The following FAM117B variants were observed in gnomAD, a reference collection of about 807,000 sequenced individuals.
FAM117B encodes the protein family with sequence similarity 117 member B.
FAM117B carries 22 observed loss-of-function variants against 52.8 expected under a neutral mutation model. The ratio of observed to expected loss-of-function variants is 0.42; its 90% CI spans 0.30 to 0.59. The LOEUF is 0.59. FAM117B is among the 20% of genes least tolerant of loss of function. FAM117B has a pLI of 0.22. For synonymous variants in FAM117B, 309 were observed against 324.1 expected (o/e 0.95, Z 0.50); for missense variants, 678 against 802.6 (o/e 0.84, Z 1.88).
At chr2:202,738,553 A>T (rs958730110) in intron 4 of FAM117B, among the ~76,000 whole-genome samples, 1 of 152,206 alleles carries the variant, frequency 6.6e-6, no homozygotes, top group South Asian at 2.1e-4. Context: ...TTATCAAAGG[A>T]TAGGAAACTA....
chr2:202,765,025 C>T (rs898635963), intron 7 of FAM117B, among the ~76,000 whole-genome samples: 4 of 152,064 alleles, frequency 2.6e-5, no homozygotes, highest in South Asian at 2.1e-4. Context: ...TACTATAGAC[C>T]TCGGAAAAAT....
At chr2:202,696,712 C>T (rs1190531564) in intron 2 of FAM117B, among the ~76,000 whole-genome samples, 1 of 152,122 alleles carries the variant, frequency 6.6e-6, no homozygotes, top group Non-Finnish European at 1.5e-5. Flanking sequence ...CAAAGGGACT[C>T]TGGAAGCAAA....
At chr2:202,653,194 G>T (rs774361295) in intron 1 of FAM117B, among the ~76,000 whole-genome samples, 3 of 152,320 alleles carry the variant, frequency 2.0e-5, no homozygotes, top group Admixed American at 2.0e-4. Context: ...CTTGAGCCCA[G>T]AAGGTGGAGG....
At chr2:202,754,471 C>G (rs1176276043) in intron 4 of FAM117B, among the ~76,000 whole-genome samples, 1 of 151,996 alleles carries the variant, frequency 6.6e-6, no homozygotes, top group Non-Finnish European at 1.5e-5. Flanking sequence ...GCATGTTCTG[C>G]ACATGTATCT....
rs552305824 is a variant in FAM117B at position 202,754,526 on chromosome 2, GA to G, written c.961-1010del. ...CAAAAACAATAATAAACCCCCCCCA[GA>G]ATATAAATAATTATATAGATTAATC... On this transcript the variant is annotated intron_variant, in intron 4 of 7. Transcript: ENST00000392238. Among the ~76,000 whole-genome samples the G allele has an allele frequency of 3.4e-3, 519 of 151,978 alleles. 1 individual carries two copies. The highest frequency in any genetic ancestry group is 5.5e-3 in the Non-Finnish European group (372 of 67,934).
intron 1 of FAM117B, among the ~76,000 whole-genome samples, chr2:202,667,482 T>G: frequency 6.6e-6 from 1 of 151,970 alleles, no homozygotes; most frequent in Admixed American, 6.6e-5. Flanking sequence ...GTGTCTGTGT[T>G]TGTGTGTGCG....
chr2:202,666,790 C>T (rs554042433), intron 1 of FAM117B, among the ~76,000 whole-genome samples: 3 of 148,942 alleles, frequency 2.0e-5, no homozygotes, highest in Admixed American at 6.7e-5. Flanking sequence ...TGCCTCAGCC[C>T]GCTGAGTAGC....
intron 4 of FAM117B, among the ~76,000 whole-genome samples, chr2:202,754,503 AAAAC>A (rs1447647521): frequency 1.3e-5 from 2 of 152,100 alleles, no homozygotes; most frequent in Non-Finnish European, 2.9e-5. Context: ...AGAAGAAACA[AAAAC>A]AATAATAAAC....
intron 1 of FAM117B, among the ~76,000 whole-genome samples, chr2:202,658,436 G>C (rs1442806392): frequency 6.6e-6 from 1 of 152,002 alleles, no homozygotes; most frequent in East Asian, 1.9e-4. Context: ...CCCAAGTCCT[G>C]GGACTACAGG....
At chr2:202,709,119 TA>T (rs1181861594) in intron 2 of FAM117B, among the ~76,000 whole-genome samples, 1 of 152,174 alleles carries the variant, frequency 6.6e-6, no homozygotes, top group African/African-American at 2.4e-5. Context: ...TTTTCTTACA[TA>T]CCTCTTGGTC....
intron 1 of FAM117B, among the ~76,000 whole-genome samples, chr2:202,640,133 T>C (rs1012316660): frequency 6.6e-6 from 1 of 150,594 alleles, no homozygotes; most frequent in Non-Finnish European, 1.5e-5. Flanking sequence ...TAGACAGGTG[T>C]GGTGGCAGGC....
At chr2:202,639,785 G>A (rs1308321050) in intron 1 of FAM117B, among the ~76,000 whole-genome samples, 2 of 152,150 alleles carry the variant, frequency 1.3e-5, no homozygotes, top group Non-Finnish European at 1.5e-5. Flanking sequence ...AAAGTTAGCT[G>A]TTGTGTATCA....
At chr2:202,736,207 A>T (rs1377198542) in intron 4 of FAM117B, among the ~76,000 whole-genome samples, 1 of 152,216 alleles carries the variant, frequency 6.6e-6, no homozygotes, top group Non-Finnish European at 1.5e-5. Flanking sequence ...ATGTTATTTA[A>T]TTTTTAAAAG....
In FAM117B at chr2:202,769,139, G is replaced by T. The variant is rs934321758; in HGVS notation, c.*3375G>T. Reference sequence around the variant, plus strand: ...ACAGTCCAAATCAGTCTTTTAGAAGGTGCTCTTGCTAACTGTGGAATATTT... The same window carrying T: ...ACAGTCCAAATCAGTCTTTTAGAAGTTGCTCTTGCTAACTGTGGAATATTT... On this transcript the variant is annotated 3_prime_UTR_variant, in exon 8 of 8. Transcript: ENST00000392238. The T allele has an allele frequency of 1.3e-5, 2 of 152,046 alleles. No homozygotes were observed. The highest frequency in any genetic ancestry group is 4.8e-5 in the African/African-American group (2 of 41,386). 9.4% of individuals were successfully genotyped at this position (152,046 alleles called of 1,614,324 possible). A position where few individuals can be genotyped will look rare whatever the true frequency, so the allele number is the denominator to read the frequency against.
chr2:202,680,126 G>A (rs1690440547), intron 1 of FAM117B, among the ~76,000 whole-genome samples: 1 of 152,080 alleles, frequency 6.6e-6, no homozygotes, highest in Admixed American at 6.5e-5. Flanking sequence ...CAGTGAAGTT[G>A]AAAACGGCAG....
chr2:202,763,624 G>A (rs1194291103), intron 7 of FAM117B, among the ~76,000 whole-genome samples: 1 of 152,098 alleles, frequency 6.6e-6, no homozygotes, highest in African/African-American at 2.4e-5. Context: ...AAATAGAAGG[G>A]TGTATGTTGT....
intron 7 of FAM117B, 106 bp from the exon 8 acceptor site, chr2:202,765,340 G>GT: frequency 8.9e-7 from 1 of 1,117,430 alleles, no homozygotes; most frequent in Non-Finnish European, 1.3e-6. Context: ...TGTGATGTAA[G>GT]TTAACTGTTT....
chr2:202,646,234 C>G (rs1215097117), intron 1 of FAM117B, among the ~76,000 whole-genome samples: 1 of 152,198 alleles, frequency 6.6e-6, no homozygotes, highest in African/African-American at 2.4e-5. Flanking sequence ...TGGTCTTGAA[C>G]TCCTGACCTC....
At chr2:202,677,128 C>T (rs539272207) in intron 1 of FAM117B, among the ~76,000 whole-genome samples, 75 of 150,492 alleles carry the variant, frequency 5.0e-4, no homozygotes, top group African/African-American at 1.4e-3. Flanking sequence ...AGTACAGTGG[C>T]GCAATCTCGG....
Sources: gnomAD v4.1 joint callset for allele counts (sites outside exome capture counted in the v4.1 genomes callset) on GRCh38, gnomAD v4.1.1 for gene constraint, MANE v1.5 for transcripts, NCBI Gene and HGNC (gene_info 2026-07-23, HGNC 2026-07-21) for gene names.